EXD1: variants seen among roughly 807,000 people sequenced by gnomAD.
The protein encoded by EXD1 is piRNA biogenesis protein EXD1.
EXD1 carries 63 observed loss-of-function variants against 49.1 expected under a neutral mutation model. The observed-to-expected ratio is 1.28, with a 90% CI of 1.05 to 1.58. The LOEUF is 1.58. EXD1 is among the 40% of genes most tolerant of loss of function. The pLI, the probability that EXD1 is intolerant of heterozygous loss-of-function variation, is 0.00. For synonymous variants in EXD1, 234 were observed against 239.2 expected (o/e 0.98, Z 0.20); for missense variants, 748 against 666.0 (o/e 1.12, Z -1.36).
Position 41,183,831 on chromosome 15 carries a change from A to G in EXD1, c.*100T>C. On this transcript the variant is annotated 3_prime_UTR_variant, in exon 12 of 12. Transcript: ENST00000458580. ...TATAATTTTCCCCTGTGACTGAAGC[A>G]TTACTACATTTACAACATGAGAAAC... 1 of 1,184,776 alleles carries G rather than the reference A, an allele frequency of 8.4e-7. No homozygotes were observed. The highest frequency in any genetic ancestry group is 2.6e-5 in the Admixed American group (1 of 38,448). The allele number at this position is 1,184,776 out of a possible 1,614,324, so 73.4% of individuals were successfully genotyped here.
chr15:41,217,154 A>T lies in EXD1; in HGVS notation c.203T>A (p.Val68Glu), dbSNP rs1256311036. 6.2e-7 allele frequency: 1 copy of T among 1,611,896 alleles called. No homozygotes were observed. The highest frequency in any genetic ancestry group is 1.7e-5 in the Admixed American group (1 of 59,954). ...KLFFGHEIVN[V>E]ELLDEVEQGS... ...TTGTTCCACTTCATCTAGTAGTTCCACTGTAAAATAACCAAATGGCTTCCA... is the reference window on the plus strand; with the variant it reads ...TTGTTCCACTTCATCTAGTAGTTCCTCTGTAAAATAACCAAATGGCTTCCA... The change falls in exon 4 of 12, where the codon GTG (valine) becomes GAG (glutamate). Residue 68 changes from valine (V) to glutamate (E), a missense_variant and splice_region_variant. By Grantham distance (121) the Val-to-Glu change is moderately radical. Transcript: ENST00000458580.
rs573773457 is a variant in EXD1, at chr15:41,207,082, A to C, written c.534+2419T>G. Among the ~76,000 whole-genome samples the C allele has an allele frequency of 1.9e-4, 29 of 150,010 alleles. 1 individual carries two copies. Among genetic ancestry groups the C allele is most frequent in the Middle Eastern group, 3.4e-3 (1 of 290 alleles). On this transcript the variant is annotated intron_variant, in intron 7 of 11. Coordinates refer to ENST00000458580, the MANE Select transcript of EXD1 (RefSeq NM_001286441.2). ...GTGGTGAAACCCCGTCTCTACTAAAAATACAAAAATTACCCGAGCGTGGTG... is the reference window on the plus strand; with the variant it reads ...GTGGTGAAACCCCGTCTCTACTAAACATACAAAAATTACCCGAGCGTGGTG...
At chr15:41,222,813 G>T (rs1451134175) in intron 2 of EXD1, among the ~76,000 whole-genome samples, 1 of 150,708 alleles carries the variant, frequency 6.6e-6, no homozygotes, top group Non-Finnish European at 1.5e-5. Flanking sequence ...GCACACGCCT[G>T]TAGTCCCAGC....
intron 3 of EXD1, chr15:41,219,588 C>T (rs962901361): frequency 2.8e-6 from 1 of 361,516 alleles, no homozygotes; most frequent in Admixed American, 4.6e-5. Flanking sequence ...TGTTCACATT[C>T]CTAACTGCCT....
intron 7 of EXD1, among the ~76,000 whole-genome samples, chr15:41,198,139 C>A (rs1432726309): frequency 3.3e-5 from 5 of 151,646 alleles, no homozygotes. Context: ...GCTCCTAAAA[C>A]CCTTGGAATC....
chr15:41,229,284 C>A (rs2047203247), intron 1 of EXD1, among the ~76,000 whole-genome samples: 1 of 152,172 alleles, frequency 6.6e-6, no homozygotes, highest in African/African-American at 2.4e-5. Context: ...TTGAGACCCG[C>A]CTAGACAATA....
intron 11 of EXD1, among the ~76,000 whole-genome samples, chr15:41,188,320 C>G (rs1471092423): frequency 6.6e-6 from 1 of 151,536 alleles, no homozygotes; most frequent in Non-Finnish European, 1.5e-5. Context: ...TTTTTCCTCC[C>G]TCTCCCTCCT....
chr15:41,199,757 T>TATATC lies in EXD1; in HGVS notation c.535-3721_535-3720insGATAT, dbSNP rs770690755. The stretch of plus-strand genomic sequence containing the variant: ...TATATATGTCATATATTATATATGA[T>TATATC]ACATATATGATATATATGTCATATA... On this transcript the variant is annotated intron_variant, in intron 7 of 11. Transcript: ENST00000458580. Among the ~76,000 whole-genome samples the TATATC allele has an allele frequency of 4.6e-5, 4 of 87,238 alleles. 1 individual carries two copies. The highest frequency in any genetic ancestry group is 6.4e-4 in the South Asian group (2 of 3,128). The allele number at this position is 87,238 out of a possible 152,430, so 57.2% of individuals were successfully genotyped here. A position where few individuals can be genotyped will look rare whatever the true frequency, so the allele number is the denominator to read the frequency against.
chr15:41,185,842 C>T (rs2046399174), intron 11 of EXD1, among the ~76,000 whole-genome samples: 1 of 152,002 alleles, frequency 6.6e-6, no homozygotes, highest in Non-Finnish European at 1.5e-5. Context: ...TTTTTAGCTG[C>T]TTGTATGGAT....
At position 41,228,830 on chromosome 15, in the gene EXD1, A is replaced by G. The variant is rs527299606; in HGVS notation, c.-54+1649T>C. ...TTATACTTTTAAAAGGTACCCAAGA[A>G]AGGAAAGTTTGTGAAACACCTGGAA... On this transcript the variant is annotated intron_variant, in intron 1 of 11. Transcript: ENST00000458580. Among the ~76,000 whole-genome samples, 34 of 152,252 alleles carry G rather than the reference A, an allele frequency of 2.2e-4. 2 individuals are homozygous for G. The South Asian group carries it at 5.8e-3, about 26-fold the overall frequency.
At chr15:41,191,221 C>T (rs1162169767) in intron 10 of EXD1, among the ~76,000 whole-genome samples, 3 of 152,150 alleles carry the variant, frequency 2.0e-5, no homozygotes, top group African/African-American at 7.2e-5. Flanking sequence ...CCACCGAGCC[C>T]GGCCTAAGAC....
intron 11 of EXD1, among the ~76,000 whole-genome samples, chr15:41,187,411 C>A (rs534412276): frequency 6.6e-6 from 1 of 152,266 alleles, no homozygotes; most frequent in East Asian, 1.9e-4. Flanking sequence ...TTCATATAAT[C>A]ATCCATACAT....
At position 41,190,132 on chromosome 15, in the gene EXD1, G is replaced by A. The variant is rs1405529580; in HGVS notation, c.865-4C>T. Reference sequence around the variant, plus strand: ...TGAACCATACTTCTGGATTTTCCTGGAGACAATAAAACAATTTCCTCTGAA... The same window carrying A: ...TGAACCATACTTCTGGATTTTCCTGAAGACAATAAAACAATTTCCTCTGAA... On this transcript the variant is annotated splice_region_variant and splice_polypyrimidine_tract_variant and intron_variant, in intron 10 of 11. Transcript: ENST00000458580. 6.2e-7 allele frequency: 1 copy of A among 1,613,870 alleles called. No homozygotes were observed. The highest frequency in any genetic ancestry group is 8.5e-7 in the Non-Finnish European group (1 of 1,179,980).
intron 1 of EXD1, among the ~76,000 whole-genome samples, chr15:41,228,146 T>C (rs1489090612): frequency 2.6e-5 from 4 of 152,228 alleles, no homozygotes; most frequent in Non-Finnish European, 5.9e-5. Flanking sequence ...TTCTGTTATT[T>C]AGATGTCCTT....
intron 7 of EXD1, among the ~76,000 whole-genome samples, chr15:41,198,438 C>G (rs1357768612): frequency 6.6e-6 from 1 of 152,082 alleles, no homozygotes; most frequent in Non-Finnish European, 1.5e-5. Flanking sequence ...CACCTGTAAT[C>G]GTAAGCACTT....
At chr15:41,206,510 A>G (rs1020259954) in intron 7 of EXD1, among the ~76,000 whole-genome samples, 10 of 151,418 alleles carry the variant, frequency 6.6e-5, no homozygotes, top group Non-Finnish European at 1.3e-4. Context: ...GGAAAATAGC[A>G]GAAACTACAT....
intron 9 of EXD1, among the ~76,000 whole-genome samples, chr15:41,192,656 C>G (rs1210126720): frequency 8.3e-6 from 1 of 120,838 alleles, no homozygotes; most frequent in Non-Finnish European, 1.6e-5. Context: ...GCTCTATCTC[C>G]CAGGATGGAG....
In EXD1 at chr15:41,191,648, G is replaced by A. The variant is rs2046520460; in HGVS notation, c.721-63C>T. 4 of 1,448,934 alleles carry A rather than the reference G, an allele frequency of 2.8e-6. No homozygotes were observed. The South Asian group carries it at 3.9e-5, about 14-fold the overall frequency. 89.8% of individuals were successfully genotyped at this position (1,448,934 alleles called of 1,614,324 possible). On this transcript the variant is annotated intron_variant, in intron 9 of 11. Transcript: ENST00000458580. Reference sequence around the variant, plus strand: ...ATATACAGAGAGCTATCTCATGCCAGAAATATATTTAGAGAAATGTCTAAA... The same window carrying A: ...ATATACAGAGAGCTATCTCATGCCAAAAATATATTTAGAGAAATGTCTAAA...
At chr15:41,188,661 G>C (rs1207771708) in intron 11 of EXD1, among the ~76,000 whole-genome samples, 1 of 151,748 alleles carries the variant, frequency 6.6e-6, no homozygotes, top group Non-Finnish European at 1.5e-5. Flanking sequence ...CAAAGTACTG[G>C]GATTACAGGT....
Sources: allele counts gnomAD v4.1 joint callset (sites outside exome capture counted in the v4.1 genomes callset), GRCh38; gene constraint gnomAD v4.1.1; transcripts MANE v1.5; gene names NCBI Gene and HGNC (gene_info 2026-07-23, HGNC 2026-07-21).